Variants in NXPH1 observed in about 807,000 individuals in gnomAD.
NXPH1 encodes neurexophilin-1.
A neutral mutation model predicts 23.7 loss-of-function variants in NXPH1; 5 were observed. The ratio of observed to expected loss-of-function variants is 0.21; its 90% CI spans 0.11 to 0.44. The LOEUF is 0.44. Among genes scored for constraint, NXPH1 ranks in the 20% least tolerant of loss-of-function variants. The pLI is 0.99. For missense variants in NXPH1, 324 were observed against 321.6 expected (o/e 1.01, Z -0.06); for synonymous variants, 144 against 122.2 (o/e 1.18, Z -1.18).
chr7:8,581,238 A>C (rs1413273551), intron 2 of NXPH1, among the ~76,000 whole-genome samples: 1 of 152,144 alleles, frequency 6.6e-6, no homozygotes. Context: ...GGCATTGGGG[A>C]AATAATATGT....
chr7:8,528,445 G>A (rs2128616940), intron 2 of NXPH1, among the ~76,000 whole-genome samples: 1 of 152,352 alleles, frequency 6.6e-6, no homozygotes, highest in African/African-American at 2.4e-5. Flanking sequence ...CATCCCACAA[G>A]TAAACAACAT....
At chr7:8,462,910 G>T (rs1342799086) in intron 2 of NXPH1, among the ~76,000 whole-genome samples, 3 of 152,090 alleles carry the variant, frequency 2.0e-5, no homozygotes. Flanking sequence ...TTATTTTATA[G>T]TTAGACTAAT....
intron 2 of NXPH1, among the ~76,000 whole-genome samples, chr7:8,495,420 C>A (rs1817317978): frequency 6.6e-6 from 1 of 151,858 alleles, no homozygotes; most frequent in Admixed American, 6.6e-5. Flanking sequence ...GACCAAACAA[C>A]CGAACACCAT....
chr7:8,638,139 A>G (rs982379921), intron 2 of NXPH1, among the ~76,000 whole-genome samples: 2 of 152,234 alleles, frequency 1.3e-5, no homozygotes, highest in South Asian at 2.1e-4. Flanking sequence ...ATGCTGATCT[A>G]CTAAAGCAGA....
chr7:8,735,042 C>G (rs1278536788), intron 2 of NXPH1, among the ~76,000 whole-genome samples: 1 of 152,168 alleles, frequency 6.6e-6, no homozygotes, highest in Non-Finnish European at 1.5e-5. Context: ...ACATTTTGGG[C>G]TGAGACCATG....
intron 2 of NXPH1, among the ~76,000 whole-genome samples, chr7:8,498,657 A>G (rs942496354): frequency 3.3e-5 from 5 of 152,024 alleles, no homozygotes; most frequent in Admixed American, 2.6e-4. Flanking sequence ...TTATAGCATG[A>G]TGGGTTTATA....
chr7:8,519,249 T>TTACTTTCTAAAAAA, intron 2 of NXPH1, among the ~76,000 whole-genome samples: 1 of 152,168 alleles, frequency 6.6e-6, no homozygotes, highest in East Asian at 1.9e-4. Flanking sequence ...AAAAAGGTAT[T>TTACTTTCTAAAAAA]ACATTTACTC....
At chr7:8,642,967 C>A (rs974157123) in intron 2 of NXPH1, among the ~76,000 whole-genome samples, 2 of 151,980 alleles carry the variant, frequency 1.3e-5, no homozygotes, top group South Asian at 2.1e-4. Context: ...TGGGTTCAAG[C>A]GATTCTCCTG....
chr7:8,752,906 A>C lies in NXPH1; in HGVS notation c.*1137A>C, dbSNP rs1189135707. The C allele has an allele frequency of 2.6e-5, 4 of 152,560 alleles. No homozygotes were observed. Among genetic ancestry groups the C allele is most frequent in the African/African-American group, 9.7e-5 (4 of 41,440 alleles). The allele number at this position is 152,560 out of a possible 1,614,324, so 9.5% of individuals were successfully genotyped here. ...CAGTCTGTCTGTATTTAGATATTTT[A>C]TTTCTGGAAAAAATGAAATGTACAT... On this transcript the variant is annotated 3_prime_UTR_variant, in exon 3 of 3. Transcript: ENST00000405863.
At chr7:8,505,422 A>T (rs566585638) in intron 2 of NXPH1, among the ~76,000 whole-genome samples, 20 of 152,126 alleles carry the variant, frequency 1.3e-4, no homozygotes, top group African/African-American at 4.8e-4. Context: ...CAATATAGTC[A>T]TTTGTGAGCA....
intron 2 of NXPH1, among the ~76,000 whole-genome samples, chr7:8,469,104 A>G (rs1349923493): frequency 6.6e-6 from 1 of 152,048 alleles, no homozygotes. Flanking sequence ...AAGAAATATT[A>G]AAATGTAGAA....
At chr7:8,719,036 C>T (rs1337605506) in intron 2 of NXPH1, among the ~76,000 whole-genome samples, 2 of 152,192 alleles carry the variant, frequency 1.3e-5, no homozygotes, top group East Asian at 1.9e-4. Context: ...TTTGGTTTCA[C>T]TGCCAAAGAG....
chr7:8,569,848 A>G (rs886638897), intron 2 of NXPH1, among the ~76,000 whole-genome samples: 4 of 151,922 alleles, frequency 2.6e-5, no homozygotes, highest in African/African-American at 9.7e-5. Context: ...AGGGATACCT[A>G]CGGTATTACT....
chr7:8,538,579 A>G lies in NXPH1; in HGVS notation c.54+102812A>G, dbSNP rs184448465. Among the ~76,000 whole-genome samples, 185 of 152,076 alleles carry G rather than the reference A, an allele frequency of 1.2e-3. 1 individual carries two copies. The highest frequency in any genetic ancestry group is 7.7e-3 in the South Asian group (37 of 4,826). On this transcript the variant is annotated intron_variant, in intron 2 of 2. Transcript: ENST00000405863. ...AGACATTATGTCAAGTACTTGGAAC[A>G]GGTCATGGCATGAATAAGGTCAATA...
chr7:8,687,456 G>A (rs148223400), intron 2 of NXPH1, among the ~76,000 whole-genome samples: 1 of 152,072 alleles, frequency 6.6e-6, no homozygotes, highest in Admixed American at 6.6e-5. Context: ...TAGACATTTG[G>A]TTGGGAAAAA....
At chr7:8,612,409 G>A (rs920759764) in intron 2 of NXPH1, among the ~76,000 whole-genome samples, 7 of 151,886 alleles carry the variant, frequency 4.6e-5, no homozygotes, top group Admixed American at 3.3e-4. Context: ...TTTGAGAAGA[G>A]GAGATATAGT....
intron 2 of NXPH1, among the ~76,000 whole-genome samples, chr7:8,739,860 T>C (rs1780331555): frequency 2.0e-5 from 3 of 152,170 alleles, no homozygotes; most frequent in African/African-American, 7.2e-5. Context: ...AGCACACATA[T>C]TAGCCTAGGC....
At chr7:8,502,708 G>C (rs1172379054) in intron 2 of NXPH1, among the ~76,000 whole-genome samples, 2 of 151,584 alleles carry the variant, frequency 1.3e-5, no homozygotes. Flanking sequence ...CTGTACCCAG[G>C]ATTAAGATCC....
intron 2 of NXPH1, among the ~76,000 whole-genome samples, chr7:8,556,256 C>G (rs1818357613): frequency 6.6e-6 from 1 of 151,674 alleles, no homozygotes; most frequent in Non-Finnish European, 1.5e-5. Context: ...GCCTAACAAA[C>G]TATCCCCAAA....
Sources: allele counts gnomAD v4.1 joint callset (sites outside exome capture counted in the v4.1 genomes callset), GRCh38; gene constraint gnomAD v4.1.1; transcripts MANE v1.5; gene names NCBI Gene and HGNC (gene_info 2026-07-23, HGNC 2026-07-21).